Variants in ONECUT3 observed in about 807,000 individuals in gnomAD.
ONECUT3 encodes one cut domain family member 3.
ONECUT3 carries 11 observed loss-of-function variants against 16.8 expected under a neutral mutation model. The ratio of observed to expected loss-of-function variants is 0.66; its 90% CI spans 0.41 to 1.09. The LOEUF (loss-of-function observed/expected upper bound fraction) is 1.09, where lower values mean the gene tolerates loss of function less well. Among genes scored for constraint, ONECUT3 ranks in the 50% least tolerant of loss-of-function variants. ONECUT3 has a pLI of 0.00. For missense variants in ONECUT3, 637 were observed against 629.9 expected (o/e 1.01, Z -0.12); for synonymous variants, 344 against 310.7 (o/e 1.11, Z -1.13).
intron 1 of ONECUT3, among the ~76,000 whole-genome samples, chr19:1,757,291 C>T (rs530823151): frequency 1.2e-4 from 19 of 152,380 alleles, no homozygotes; most frequent in African/African-American, 4.1e-4. Flanking sequence ...CTTTCTGCCA[C>T]GGGGAGAGTT....
At position 1,758,557 on chromosome 19, in the gene ONECUT3, G is replaced by T. The variant is rs931402176; in HGVS notation, c.1192+3703G>T. 6.6e-6 allele frequency among the ~76,000 whole-genome samples: 1 copy of T among 152,204 alleles called. No individual in the cohort carries two copies. Among genetic ancestry groups the T allele is most frequent in the Non-Finnish European group, 1.5e-5 (1 of 68,028 alleles). ...CAGTTTACCCATCTGTAAAATGTGC[G>T]TGTGGTGGGCCGAATTCTGGGTCTG... On this transcript the variant is annotated intron_variant, in intron 1 of 1. Coordinates refer to ENST00000382349, the MANE Select transcript of ONECUT3 (RefSeq NM_001080488.2). The surrounding 1 kb of genome is among the most constrained non-coding windows in gnomAD (Gnocchi z 5.9).
Position 1,754,757 on chromosome 19 carries a change from G to T in ONECUT3, c.1095G>T (p.Pro365=), listed in dbSNP as rs754567558. ...CCGACCTGCTGCGCAACCCCAAGCC[G>T]TGGAGCAAGCTCAAATCCGGCCGCG... ...TLSDLLRNPK[P]WSKLKSGRET... The change falls in exon 1 of 2, where the codon CCG becomes CCT. Residue 365 remains proline (P), a synonymous_variant. Coordinates refer to ENST00000382349, the MANE Select transcript of ONECUT3 (RefSeq NM_001080488.2). This position sits in a 1 kb window ranked among gnomAD's most constrained non-coding sequence, Gnocchi z 7.4. 2.2e-5 allele frequency: 34 copies of T among 1,571,198 alleles called. No individual in the cohort carries two copies. In the South Asian group the frequency reaches 3.7e-4, roughly 17 times the overall value.
Position 1,753,564 on chromosome 19 carries a change from C to T in ONECUT3, c.-99C>T. The T allele has an allele frequency of 2.7e-6, 1 of 369,624 alleles. No individual in the cohort carries two copies. Among genetic ancestry groups the T allele is most frequent in the Non-Finnish European group, 3.8e-6 (1 of 262,294 alleles). 22.9% of individuals were successfully genotyped at this position (369,624 alleles called of 1,614,324 possible). A position where few individuals can be genotyped will look rare whatever the true frequency, so the allele number is the denominator to read the frequency against. The stretch of plus-strand genomic sequence containing the variant: ...GCCGTGCGCCGCGCAGCCTGGCAGC[C>T]TCGCGCGCAGCCACCGGGGAGCGGG... On this transcript the variant is annotated 5_prime_UTR_variant, in exon 1 of 2. Transcript: ENST00000382349.
In ONECUT3 at chr19:1,775,143, T is replaced by A; in HGVS notation, c.1193-10T>A. 2.7e-6 allele frequency: 2 copies of A among 732,370 alleles called. No homozygotes were observed. The highest frequency in any genetic ancestry group is 3.9e-6 in the Non-Finnish European group (2 of 511,074). 45.4% of individuals were successfully genotyped at this position (732,370 alleles called of 1,614,324 possible). On this transcript the variant is annotated splice_polypyrimidine_tract_variant and intron_variant, in intron 1 of 1. Coordinates refer to ENST00000382349, the MANE Select transcript of ONECUT3 (RefSeq NM_001080488.2). ...TCCCGCTCGCCCGCCCGCCCGCCGC[T>A]CGCCCGCAGCCTGCAAGCGCAAGGA...
At chr19:1,775,008 A>G in intron 1 of ONECUT3, 145 bp from the exon 2 acceptor site, 1 of 569,682 alleles carries the variant, frequency 1.8e-6, no homozygotes, top group Admixed American at 3.4e-5. Context: ...TCTCCCTGGG[A>G]CCTTATGTGC....
chr19:1,753,847 G>T lies in ONECUT3; in HGVS notation c.185G>T (p.Gly62Val), dbSNP rs1214874343. Residue 62 changes from glycine to valine, a missense_variant, in exon 1 of 2, where the codon GGT becomes GTT. Transcript: ENST00000382349. Reference sequence around the variant, plus strand: ...CTGGACGGCGGCGGCGGCGGCGGCGGTGGGGGCGCCGGGGGCGCGGGCGGC... The same window carrying T: ...CTGGACGGCGGCGGCGGCGGCGGCGTTGGGGGCGCCGGGGGCGCGGGCGGC... ...SLLDGGGGGG[G>V]GGAGGAGGAG... 1.0e-6 allele frequency: 1 copy of T among 972,980 alleles called. No homozygotes were observed. Among genetic ancestry groups the T allele is most frequent in the Non-Finnish European group, 1.2e-6 (1 of 821,748 alleles). 60.3% of individuals were successfully genotyped at this position (972,980 alleles called of 1,614,324 possible). A position where few individuals can be genotyped will look rare whatever the true frequency, so the allele number is the denominator to read the frequency against.
At chr19:1,761,769 T>G (rs1432240066) in intron 1 of ONECUT3, among the ~76,000 whole-genome samples, 1 of 152,170 alleles carries the variant, frequency 6.6e-6, no homozygotes, top group Non-Finnish European at 1.5e-5. Context: ...TTGGGCAGCC[T>G]TGGGACACCT....
At position 1,780,030 on chromosome 19, in the gene ONECUT3, T is replaced by C. The variant is rs546016310; in HGVS notation, c.*4585T>C. On this transcript the variant is annotated 3_prime_UTR_variant, in exon 2 of 2. Coordinates refer to ENST00000382349, the MANE Select transcript of ONECUT3 (RefSeq NM_001080488.2). ...CCGGTTGCTTTCACTCTAGCATGAA[T>C]TCCCAAGTGTCTTGTTCAGAGGAGA... 2 of 152,528 alleles carry C rather than the reference T, an allele frequency of 1.3e-5. No homozygotes were observed. The highest frequency in any genetic ancestry group is 1.5e-5 in the Non-Finnish European group (1 of 68,714). The allele number at this position is 152,528 out of a possible 1,614,324, so 9.4% of individuals were successfully genotyped here.
In ONECUT3 at chr19:1,753,978, A is replaced by G; in HGVS notation, c.316A>G (p.Thr106Ala). ...GGCGCCGGGCCTGGGCGGCACCTAC[A>G]CGACGCTCACGCCCCTGCAGCACCT... ...CEAPGLGGTY[T>A]TLTPLQHLPP... Residue 106 changes from threonine (T) to alanine (A), a missense_variant, in exon 1 of 2, where the codon ACG (threonine) becomes GCG (alanine). Physicochemically the swap from Thr to Ala is moderately conservative, Grantham distance 58. Around this residue, in one of 3 missense-constraint regions of ONECUT3, gnomAD observed 419 missense variants for 377.9 expected, o/e 1.11. Transcript: ENST00000382349. 4.0e-6 allele frequency: 4 copies of G among 994,112 alleles called. No individual in the cohort carries two copies. Among genetic ancestry groups the G allele is most frequent in the Non-Finnish European group, 4.8e-6 (4 of 836,992 alleles). The allele number at this position is 994,112 out of a possible 1,614,324, so 61.6% of individuals were successfully genotyped here.
intron 1 of ONECUT3, among the ~76,000 whole-genome samples, chr19:1,756,148 G>T (rs938525233): frequency 1.3e-5 from 2 of 152,094 alleles, no homozygotes; most frequent in Non-Finnish European, 2.9e-5. Flanking sequence ...GGGGTGTCCT[G>T]TGCTGTTCCT....
intron 1 of ONECUT3, 27 bp from the exon 2 acceptor site, chr19:1,775,126 G>GGGGCCCCCCCC: frequency 8.7e-7 from 1 of 1,143,896 alleles, no homozygotes; most frequent in Non-Finnish European, 1.2e-6. Context: ...TGTCCCGCTC[G>GGGGCCCCCCCC]CCCGCCCGCC....
rs755713218 is a variant in ONECUT3 at position 1,766,360 on chromosome 19, G to A, written c.1193-8793G>A. ...CACCCACGGGCCCGCCTTCAGGGGC[G>A]AGGCGGATGCTGCATCCTGAAGCCC... is the stretch of plus-strand genomic sequence containing the variant. On this transcript the variant is annotated intron_variant, in intron 1 of 1. Coordinates refer to ENST00000382349, the MANE Select transcript of ONECUT3 (RefSeq NM_001080488.2). This position sits in a 1 kb window ranked among gnomAD's most constrained non-coding sequence, Gnocchi z 4.0. 5.9e-5 allele frequency among the ~76,000 whole-genome samples: 9 copies of A among 152,200 alleles called. No individual in the cohort carries two copies. Among genetic ancestry groups the A allele is most frequent in the Non-Finnish European group, 1.3e-4 (9 of 68,040 alleles).
rs748792437 is a variant in ONECUT3 at position 1,754,868 on chromosome 19, G to GC, written c.1192+15dup. ...TGCGCTTGGCAGGTAGGAGCGTGGC[G>GC]CGCAGGGCCAGACCCTGGGGGCGCC... is the stretch of plus-strand genomic sequence containing the variant. On this transcript the variant is annotated intron_variant, in intron 1 of 1. Transcript: ENST00000382349. The surrounding 1 kb of genome is among the most constrained non-coding windows in gnomAD (Gnocchi z 7.4). 18 of 1,440,390 alleles carry GC rather than the reference G, an allele frequency of 1.2e-5. No homozygotes were observed. The highest frequency in any genetic ancestry group is 1.6e-5 in the Non-Finnish European group (17 of 1,087,898). The allele number at this position is 1,440,390 out of a possible 1,614,324, so 89.2% of individuals were successfully genotyped here.
chr19:1,769,876 G>A (rs536088879), intron 1 of ONECUT3, among the ~76,000 whole-genome samples: 8 of 152,208 alleles, frequency 5.3e-5, no homozygotes, highest in South Asian at 2.1e-4. Flanking sequence ...TGCCTGGCCC[G>A]GCCCCTCCCC....
At chr19:1,768,886 G>A (rs55668131) in intron 1 of ONECUT3, among the ~76,000 whole-genome samples, 1 of 149,408 alleles carries the variant, frequency 6.7e-6, no homozygotes, top group African/African-American at 2.4e-5. Context: ...TAGAGGTGGA[G>A]GTGGTGGAGG....
In ONECUT3 at chr19:1,780,455, T is replaced by G; in HGVS notation, c.*5010T>G. 1.3e-5 allele frequency: 2 copies of G among 149,680 alleles called. No homozygotes were observed. Among genetic ancestry groups the G allele is most frequent in the African/African-American group, 2.5e-5 (1 of 40,132 alleles). The allele number at this position is 149,680 out of a possible 1,614,324, so 9.3% of individuals were successfully genotyped here. On this transcript the variant is annotated 3_prime_UTR_variant, in exon 2 of 2. Coordinates refer to ENST00000382349, the MANE Select transcript of ONECUT3 (RefSeq NM_001080488.2). ...GGAAAGGGGCACAGATGTGCCAGCT[T>G]GGGAACAGAGGCTGGAGGAGAGGGC...
At position 1,764,916 on chromosome 19, in the gene ONECUT3, G is replaced by A. The variant is rs1046682468; in HGVS notation, c.1192+10062G>A. 5.9e-5 allele frequency among the ~76,000 whole-genome samples: 9 copies of A among 152,176 alleles called. 1 individual carries two copies. The South Asian group carries it at 1.5e-3, about 25-fold the overall frequency. On this transcript the variant is annotated intron_variant, in intron 1 of 1. Transcript: ENST00000382349. The surrounding 1 kb of genome is among the most constrained non-coding windows in gnomAD (Gnocchi z 5.0). ...GACAGGACGCGTCGCCAAGGAAACC[G>A]GTCATCATCCCAGCCGGAGACCGGG...
Position 1,771,520 on chromosome 19 carries a change from T to A in ONECUT3, c.1193-3633T>A, listed in dbSNP as rs1173591929. On this transcript the variant is annotated intron_variant, in intron 1 of 1. Coordinates refer to ENST00000382349, the MANE Select transcript of ONECUT3 (RefSeq NM_001080488.2). The stretch of plus-strand genomic sequence containing the variant: ...AAGCCTTGCTCTGTTGTCTGCTAGT[T>A]TTTGCACACCCAAAGCTGCTTGGAT... Among the ~76,000 whole-genome samples, 3 of 152,308 alleles carry A rather than the reference T, an allele frequency of 2.0e-5. No individual in the cohort carries two copies. The East Asian group carries it at 5.8e-4, about 29-fold the overall frequency.
At position 1,753,635 on chromosome 19, in the gene ONECUT3, A is replaced by T. The variant is rs1327458803; in HGVS notation, c.-28A>T. 9.4e-6 allele frequency: 9 copies of T among 956,178 alleles called. No individual in the cohort carries two copies. The highest frequency in any genetic ancestry group is 1.0e-5 in the Non-Finnish European group (8 of 787,056). The allele number at this position is 956,178 out of a possible 1,614,324, so 59.2% of individuals were successfully genotyped here. A position where few individuals can be genotyped will look rare whatever the true frequency, so the allele number is the denominator to read the frequency against. ...TGAGCACTAGGGGCCGGCGCTGAGG[A>T]GCGCGCGCGGCGGGAGGGCAGCCGA... On this transcript the variant is annotated 5_prime_UTR_variant, in exon 1 of 2. Coordinates refer to ENST00000382349, the MANE Select transcript of ONECUT3 (RefSeq NM_001080488.2).
Sources: gnomAD v4.1 joint callset for allele counts (sites outside exome capture counted in the v4.1 genomes callset) on GRCh38, gnomAD v4.1.1 for gene constraint, gnomAD v4.1.1 regional missense constraint, Gnocchi (gnomAD v3.1) non-coding constraint, MANE v1.5 for transcripts, NCBI Gene and HGNC (gene_info 2026-07-23, HGNC 2026-07-21) for gene names.